Variants in LPAR6 observed in about 807,000 individuals in gnomAD.
The protein encoded by LPAR6 is lysophosphatidic acid receptor 6, also known as G-protein coupled purinergic receptor P2Y5.
LPAR6 carries 17 observed loss-of-function variants against 22.0 expected under a neutral mutation model. That is an observed-to-expected ratio of 0.77 (90% CI 0.53 to 1.16). The LOEUF (loss-of-function observed/expected upper bound fraction) is 1.16, where lower values mean the gene tolerates loss of function less well. Ranked by LOEUF, LPAR6 falls within the 50% of genes most tolerant of loss-of-function variation. The pLI is 0.00. For missense variants in LPAR6, 384 were observed against 406.9 expected (o/e 0.94, Z 0.48); for synonymous variants, 136 against 139.8 (o/e 0.97, Z 0.19).
At chr13:48,440,838 G>A (rs1424695423) in intron 1 of LPAR6, among the ~76,000 whole-genome samples, 3 of 152,044 alleles carry the variant, frequency 2.0e-5, no homozygotes, top group Non-Finnish European at 4.4e-5. Context: ...TGAACACATA[G>A]TTATCAGAGA....
Position 48,402,175 on chromosome 13 carries a change from A to G in LPAR6, n.115-12363T>C, listed in dbSNP as rs1278876590. 2.0e-5 allele frequency among the ~76,000 whole-genome samples: 3 copies of G among 152,236 alleles called. No individual in the cohort carries two copies. The East Asian group carries it at 5.8e-4, about 29-fold the overall frequency. ...CTGAACTTACTATCTGTTCTTGAAAATATAATTTTTTTGCATTATCTTTTT... is the reference window on the plus strand; with the variant it reads ...CTGAACTTACTATCTGTTCTTGAAAGTATAATTTTTTTGCATTATCTTTTT... On this transcript the variant is annotated intron_variant and non_coding_transcript_variant, in intron 1 of 1. Transcript: ENST00000462781.
intron 1 of LPAR6, among the ~76,000 whole-genome samples, chr13:48,435,906 A>G (rs1949178499): frequency 1.3e-5 from 2 of 152,234 alleles, no homozygotes; most frequent in South Asian, 2.1e-4. Context: ...AACTAATTAT[A>G]TTAATAATTG....
At chr13:48,442,341 C>T (rs1391857518) in intron 1 of LPAR6, among the ~76,000 whole-genome samples, 2 of 152,150 alleles carry the variant, frequency 1.3e-5, no homozygotes, top group Non-Finnish European at 2.9e-5. Context: ...GCTGGGACTA[C>T]AGGCGCATGC....
downstream of LPAR6, among the ~76,000 whole-genome samples, chr13:48,408,985 T>G (rs545295114): frequency 9.9e-5 from 15 of 152,270 alleles, no homozygotes; most frequent in African/African-American, 3.6e-4. Context: ...CTCAACTCAG[T>G]ATGTTTAAGA....
upstream of LPAR6, among the ~76,000 whole-genome samples, chr13:48,414,526 G>A (rs1021914153): frequency 3.3e-5 from 5 of 152,066 alleles, no homozygotes; most frequent in Non-Finnish European, 7.4e-5. Flanking sequence ...GCTAGATCTA[G>A]TTATGCCTTA....
At chr13:48,417,930 G>T (rs933530075), upstream of LPAR6, among the ~76,000 whole-genome samples, 5 of 152,204 alleles carry the variant, frequency 3.3e-5, no homozygotes, top group African/African-American at 1.2e-4. Context: ...GTGACAGGGA[G>T]AATTGAACCA....
chr13:48,396,158 T>C (rs906490904), intron 1 of LPAR6, among the ~76,000 whole-genome samples: 3 of 152,154 alleles, frequency 2.0e-5, no homozygotes, highest in Non-Finnish European at 4.4e-5. Context: ...TTAAATTTTA[T>C]ATAGAACCTA....
upstream of LPAR6, among the ~76,000 whole-genome samples, chr13:48,430,240 A>G (rs1418305122): frequency 2.0e-5 from 3 of 152,228 alleles, no homozygotes; most frequent in Non-Finnish European, 4.4e-5. Context: ...ATGATAATTT[A>G]TCCACTTCAA....
intron 2 of LPAR6, among the ~76,000 whole-genome samples, chr13:48,420,319 AT>A (rs1948986322): frequency 6.6e-6 from 1 of 152,172 alleles, no homozygotes; most frequent in Non-Finnish European, 1.5e-5. Context: ...AGAAAAGGCC[AT>A]TGATGAAATT....
chr13:48,420,684 C>A (rs570671793), intron 2 of LPAR6, among the ~76,000 whole-genome samples: 1 of 152,320 alleles, frequency 6.6e-6, no homozygotes, highest in South Asian at 2.1e-4. Flanking sequence ...GCAACTTCAG[C>A]AAAGTCTCAG....
chr13:48,400,536 A>T (rs1002718087), intron 1 of LPAR6, among the ~76,000 whole-genome samples: 2 of 152,098 alleles, frequency 1.3e-5, no homozygotes, highest in Non-Finnish European at 2.9e-5. Context: ...GAGTGTTACT[A>T]TGCTATGGCA....
At chr13:48,397,465 G>A (rs1948657418) in intron 1 of LPAR6, among the ~76,000 whole-genome samples, 4 of 152,114 alleles carry the variant, frequency 2.6e-5, no homozygotes, top group Admixed American at 2.0e-4. Flanking sequence ...GACACATGGA[G>A]GGGAACATCA....
chr13:48,411,737 T>C lies in LPAR6; in HGVS notation c.687A>G (p.Lys229=). ...RSKINKTKVL[K]MIFVHLIIFC... is the part of the protein sequence containing the mutation. ...ATATGATCAAATGTACAAAAATCAT[T>C]TTTAAAACCTTAGTTTTGTTTATTT... Residue 229 remains lysine (K), a synonymous_variant, in exon 1 of 1, where the codon AAA becomes AAG. Coordinates refer to ENST00000620633, the MANE Select transcript of LPAR6 (RefSeq NM_001162498.3). 6.2e-7 allele frequency: 1 copy of C among 1,609,204 alleles called. No homozygotes were observed. The highest frequency in any genetic ancestry group is 2.2e-5 in the East Asian group (1 of 44,758).
rs563104113 is a variant in LPAR6 at position 48,442,383 on chromosome 13, G to A, written c.-1474+2170C>T. ...GCCCGGCTAATTTTTTGTATTTTTT[G>A]TAGAGATGGGGTTTCACCGTGTTAG... On this transcript the variant is annotated intron_variant, in intron 1 of 6. Coordinates refer to the LPAR6 transcript ENST00000378434. Among the ~76,000 whole-genome samples, 91 of 152,052 alleles carry A rather than the reference G, an allele frequency of 6.0e-4. No individual in the cohort carries two copies. In the Middle Eastern group the frequency reaches 0.014, roughly 23 times the overall value.
chr13:48,406,386 TTC>T (rs1329423848), downstream of LPAR6, among the ~76,000 whole-genome samples: 1 of 152,132 alleles, frequency 6.6e-6, no homozygotes, highest in Non-Finnish European at 1.5e-5. Context: ...AAAAAAGAAT[TTC>T]TCCCATTTTA....
chr13:48,433,411 G>C (rs187857324), intron 1 of LPAR6, among the ~76,000 whole-genome samples: 1 of 151,936 alleles, frequency 6.6e-6, no homozygotes, highest in Non-Finnish European at 1.5e-5. Flanking sequence ...ATTTGAAGAA[G>C]AGAATTGGGA....
Position 48,433,599 on chromosome 13 carries a change from C to T in LPAR6, c.-1473-9480G>A, listed in dbSNP as rs80038026. ...AAATGAAACCATTTTTTATAACTTA[C>T]ACCAAATATTATGACAAAAGCATAA... On this transcript the variant is annotated intron_variant, in intron 1 of 6. Coordinates refer to the LPAR6 transcript ENST00000378434. Among the ~76,000 whole-genome samples the T allele has an allele frequency of 5.1e-3, 778 of 151,936 alleles. 7 individuals are homozygous for T. Among genetic ancestry groups the T allele is most frequent in the African/African-American group, 0.018 (747 of 41,502 alleles).
At chr13:48,425,693 GA>G (rs143703157) in intron 1 of LPAR6, among the ~76,000 whole-genome samples, 5,415 of 149,390 alleles carry the variant, frequency 0.036, 121 homozygotes, top group Middle Eastern at 0.076. Flanking sequence ...ACTCTTAAAG[GA>G]AAAAAAAAAT....
chr13:48,417,519 C>G (rs1197750589), upstream of LPAR6, among the ~76,000 whole-genome samples: 1 of 152,174 alleles, frequency 6.6e-6, no homozygotes, highest in Non-Finnish European at 1.5e-5. Flanking sequence ...AATGCCTTTT[C>G]TCTTCCAAAG....
Sources: gnomAD v4.1 joint callset for allele counts (sites outside exome capture counted in the v4.1 genomes callset) on GRCh38, gnomAD v4.1.1 for gene constraint, MANE v1.5 for transcripts, NCBI Gene and HGNC (gene_info 2026-07-23, HGNC 2026-07-21) for gene names.